RARB: variants seen among roughly 807,000 people sequenced by gnomAD.
The protein encoded by RARB is retinoic acid receptor beta, also known as HBV-activated protein.
A neutral mutation model predicts 51.9 loss-of-function variants in RARB; 17 were observed. The ratio of observed to expected loss-of-function variants is 0.33; its 90% confidence interval spans 0.22 to 0.49. The LOEUF (loss-of-function observed/expected upper bound fraction) is 0.49. Ranked by LOEUF, RARB falls within the 20% of genes least tolerant of loss-of-function variation. The probability of loss-of-function intolerance (pLI) is 0.99; values close to 1 mark genes in which losing one functional copy is unlikely to be tolerated. For missense variants in RARB, 369 were observed against 550.8 expected (o/e 0.67, Z 3.30); for synonymous variants, 215 against 195.4 (o/e 1.10, Z -0.84).
intron 2 of RARB, among the ~76,000 whole-genome samples, chr3:25,041,953 G>A (rs1698123345): frequency 6.6e-6 from 1 of 152,136 alleles, no homozygotes; most frequent in Admixed American, 6.6e-5. Context: ...GTTAAAGCTT[G>A]ATATCACAAA....
chr3:24,863,613 G>A (rs891339170), intron 2 of RARB, among the ~76,000 whole-genome samples: 3 of 152,050 alleles, frequency 2.0e-5, no homozygotes, highest in Admixed American at 6.5e-5. Flanking sequence ...TTTCTTGTAC[G>A]CCTGGCCTGT....
chr3:25,217,613 G>T (rs1388428065), intron 5 of RARB, among the ~76,000 whole-genome samples: 1 of 152,056 alleles, frequency 6.6e-6, no homozygotes, highest in East Asian at 1.9e-4. Context: ...TCTTTGGTTT[G>T]TCAGTTACTA....
At chr3:25,345,957 C>A in intron 5 of RARB, 1 of 830,168 alleles carries the variant, frequency 1.2e-6, no homozygotes, top group Non-Finnish European at 1.5e-6. Flanking sequence ...GTTCATGATT[C>A]TACAAAGTCT....
At chr3:25,147,774 G>T (rs1365511194) in intron 4 of RARB, among the ~76,000 whole-genome samples, 1 of 152,224 alleles carries the variant, frequency 6.6e-6, no homozygotes, top group Non-Finnish European at 1.5e-5. Context: ...CCATTGCAAA[G>T]AGGGCTGGAC....
At chr3:25,306,995 C>T (rs778308774) in intron 5 of RARB, among the ~76,000 whole-genome samples, 1 of 152,168 alleles carries the variant, frequency 6.6e-6, no homozygotes, top group Admixed American at 6.5e-5. Context: ...CATTCCTTCA[C>T]ATTCTACTAG....
At chr3:25,432,473 T>C (rs1353887016) in intron 1 of RARB, among the ~76,000 whole-genome samples, 1 of 152,198 alleles carries the variant, frequency 6.6e-6, no homozygotes, top group African/African-American at 2.4e-5. Context: ...TTTTCCTTAA[T>C]AGATAAATGA....
chr3:25,497,709 A>G (rs940093106), intron 2 of RARB, among the ~76,000 whole-genome samples: 3 of 152,174 alleles, frequency 2.0e-5, no homozygotes, highest in Non-Finnish European at 2.9e-5. Context: ...GGCTCGACCT[A>G]TGCTACCTCC....
intron 5 of RARB, among the ~76,000 whole-genome samples, chr3:25,278,312 G>C (rs951573330): frequency 2.0e-5 from 3 of 152,192 alleles, no homozygotes; most frequent in Admixed American, 2.0e-4. Context: ...ACTTTTGTGA[G>C]CTTTAAATAT....
At chr3:25,381,157 G>C (rs1370512174) in intron 5 of RARB, among the ~76,000 whole-genome samples, 1 of 152,188 alleles carries the variant, frequency 6.6e-6, no homozygotes, top group Non-Finnish European at 1.5e-5. Context: ...ACTGTGCTCT[G>C]TTATAGTTAC....
chr3:24,934,784 C>T (rs1695515782), intron 2 of RARB, among the ~76,000 whole-genome samples: 1 of 152,034 alleles, frequency 6.6e-6, no homozygotes, highest in African/African-American at 2.4e-5. Flanking sequence ...GAGAAATTCC[C>T]TGCACTGGAA....
intron 3 of RARB, among the ~76,000 whole-genome samples, chr3:25,106,702 T>C (rs1327902642): frequency 6.6e-6 from 1 of 151,844 alleles, no homozygotes; most frequent in African/African-American, 2.4e-5. Context: ...CACATGCATA[T>C]TGTAACACTT....
chr3:25,572,892 C>T (rs1166009287), intron 4 of RARB, among the ~76,000 whole-genome samples: 2 of 152,082 alleles, frequency 1.3e-5, no homozygotes, highest in Non-Finnish European at 2.9e-5. Context: ...GAAACAGCTC[C>T]CACTCTAACC....
intron 2 of RARB, among the ~76,000 whole-genome samples, chr3:24,919,563 C>A (rs993502189): frequency 5.3e-5 from 8 of 152,034 alleles, no homozygotes; most frequent in Admixed American, 3.3e-4. Flanking sequence ...TGTTCTTTCA[C>A]CACGTGGCTG....
At chr3:24,848,170 C>T (rs1427845927) in intron 1 of RARB, among the ~76,000 whole-genome samples, 2 of 152,224 alleles carry the variant, frequency 1.3e-5, no homozygotes, top group African/African-American at 4.8e-5. Context: ...AAGGATCCTC[C>T]CACCTCAACC....
intron 2 of RARB, among the ~76,000 whole-genome samples, chr3:24,926,127 A>T (rs74891453): frequency 0.039 from 5,945 of 152,166 alleles, 238 homozygotes; most frequent in East Asian, 0.18. Context: ...TTAATCTGCT[A>T]TGATTTATAG....
intron 1 of RARB, among the ~76,000 whole-genome samples, chr3:25,448,960 A>G (rs1709069342): frequency 4.6e-5 from 7 of 151,590 alleles, no homozygotes; most frequent in Admixed American, 4.6e-4. Flanking sequence ...CTAGTTCTGT[A>G]GACAGTGACA....
chr3:25,142,625 T>C (rs1475406519), intron 4 of RARB, among the ~76,000 whole-genome samples: 2 of 151,602 alleles, frequency 1.3e-5, no homozygotes, highest in Non-Finnish European at 2.9e-5. Context: ...ATCTGTGTCA[T>C]ATCTGAGAGC....
At chr3:24,959,579 A>C (rs1407791581) in intron 2 of RARB, among the ~76,000 whole-genome samples, 1 of 152,220 alleles carries the variant, frequency 6.6e-6, no homozygotes, top group Non-Finnish European at 1.5e-5. Context: ...GGGGATGTAA[A>C]GTTCTCACAT....
intron 2 of RARB, among the ~76,000 whole-genome samples, chr3:24,996,026 A>G (rs1697029883): frequency 6.6e-6 from 1 of 152,074 alleles, no homozygotes; most frequent in Non-Finnish European, 1.5e-5. Flanking sequence ...TAGTTTGAAA[A>G]GAATCTGTTA....
Sources: allele counts gnomAD v4.1 joint callset (sites outside exome capture counted in the v4.1 genomes callset), GRCh38; gene constraint gnomAD v4.1.1; transcripts MANE v1.5; gene names NCBI Gene and HGNC (gene_info 2026-07-23, HGNC 2026-07-21).